The following MMS22L variants were observed in gnomAD, a reference collection of about 807,000 sequenced individuals.
The protein encoded by MMS22L is protein MMS22-like.
MMS22L carries 74 observed loss-of-function variants against 159.1 expected under a neutral mutation model. The ratio of observed to expected loss-of-function variants is 0.47; its 90% CI spans 0.39 to 0.56. The LOEUF (loss-of-function observed/expected upper bound fraction) is 0.56. Ranked by LOEUF, MMS22L falls within the 20% of genes least tolerant of loss-of-function variation. The pLI is 0.00. For missense variants in MMS22L, 1,351 were observed against 1,422.1 expected, an observed-to-expected ratio of 0.95 and a Z score of 0.80; for synonymous variants, 517 against 506.9, an observed-to-expected ratio of 1.02 and a Z score of -0.27.
rs1319881742 is a variant in MMS22L at position 97,168,090 on chromosome 6, CT to C, written c.2989del (p.Ser997ValfsTer23). 6.2e-7 allele frequency: 1 copy of C among 1,609,748 alleles called. No individual in the cohort carries two copies. Among genetic ancestry groups the C allele is most frequent in the Non-Finnish European group, 8.5e-7 (1 of 1,178,278 alleles). ...CTATACCTGGAGATACAAAGGAAGA[CT>C]TTTCTGAATTGCTGACAACATAGGT... ...PAPMLSAIQKSLPLYLQGMCI... is the reference protein window; with the variant it reads ...PAPMLSAIQKXLPLYLQGMCI... On this transcript the variant is annotated frameshift_variant, in exon 20 of 25. Transcript: ENST00000683635. LOFTEE classifies it high-confidence loss of function.
Position 97,270,450 on chromosome 6 carries a change from CAG to C in MMS22L, c.607-460_607-459del, listed in dbSNP as rs146316308. 1,070 of 303,578 alleles carry C rather than the reference CAG, an allele frequency of 3.5e-3. 9 individuals carry two copies. Among genetic ancestry groups the C allele is most frequent in the African/African-American group, 0.023 (1,013 of 45,018 alleles). The allele number at this position is 303,578 out of a possible 1,614,324, so 18.8% of individuals were successfully genotyped here. ...ACATTATTGTCATCTCATTAAGAAA[CAG>C]AAGTTAAAAGAGGTGAAAAAATTTA... On this transcript the variant is annotated intron_variant, in intron 6 of 24. Transcript: ENST00000683635.
At chr6:97,161,119 T>C (rs1486765909) in intron 22 of MMS22L, among the ~76,000 whole-genome samples, 2 of 152,058 alleles carry the variant, frequency 1.3e-5, no homozygotes, top group African/African-American at 4.8e-5. Flanking sequence ...TGTGTCTGTT[T>C]CTTTGCATGT....
chr6:97,215,573 A>G (rs1347654798), intron 14 of MMS22L, among the ~76,000 whole-genome samples: 5 of 152,118 alleles, frequency 3.3e-5, no homozygotes, highest in Admixed American at 6.6e-5. Flanking sequence ...CCCATGTGCT[A>G]GGCAATTTAG....
chr6:97,179,284 T>C (rs1804443544), intron 17 of MMS22L, 124 bp downstream of exon 17: 9 of 771,610 alleles, frequency 1.2e-5, no homozygotes, highest in Non-Finnish European at 1.7e-5. Flanking sequence ...TAAGTTCTGC[T>C]TGTATTCATA....
intron 21 of MMS22L, among the ~76,000 whole-genome samples, chr6:97,164,788 T>A (rs564712955): frequency 6.6e-6 from 1 of 152,132 alleles, no homozygotes; most frequent in East Asian, 1.9e-4. Context: ...AACTAATTTT[T>A]TTGTATTTTT....
chr6:97,282,338 T>A lies in MMS22L; in HGVS notation c.140A>T (p.Tyr47Phe). The change falls in exon 2 of 25, where the codon TAC becomes TTC. Residue 47 changes from tyrosine (Y) to phenylalanine (F), a missense_variant. Tyr to Phe is a conservative substitution (Grantham distance 22). Coordinates refer to ENST00000683635, the MANE Select transcript of MMS22L (RefSeq NM_001350599.2). ...CCGCTTAAGGGCTCCGCTGCAGAGGTAGGATTCTCCAGAAAAATGTTTTCC... is the reference window on the plus strand; with the variant it reads ...CCGCTTAAGGGCTCCGCTGCAGAGGAAGGATTCTCCAGAAAAATGTTTTCC... ...GGGKHFSGESYLCSGALKRLI... is the reference protein window; with the variant it reads ...GGGKHFSGESFLCSGALKRLI... 6.2e-7 allele frequency: 1 copy of A among 1,614,060 alleles called. No homozygotes were observed. Among genetic ancestry groups the A allele is most frequent in the Non-Finnish European group, 8.5e-7 (1 of 1,180,000 alleles).
At chr6:97,240,145 T>C (rs541490597) in intron 11 of MMS22L, among the ~76,000 whole-genome samples, 3 of 152,174 alleles carry the variant, frequency 2.0e-5, no homozygotes, top group Non-Finnish European at 2.9e-5. Context: ...ATATTATTCT[T>C]TACAACTACC....
chr6:97,264,966 ACCC>A (rs1437664535), intron 8 of MMS22L: 1 of 152,158 alleles, frequency 6.6e-6, no homozygotes, highest in African/African-American at 2.4e-5. Context: ...TGTCCATACT[ACCC>A]AAAGTGACCT....
chr6:97,153,105 G>A (rs1293225629), intron 22 of MMS22L, among the ~76,000 whole-genome samples: 1 of 151,784 alleles, frequency 6.6e-6, no homozygotes, highest in Non-Finnish European at 1.5e-5. Context: ...GCGTCCCAAA[G>A]CACTGGGATT....
intron 14 of MMS22L, among the ~76,000 whole-genome samples, chr6:97,194,122 A>G (rs1482513374): frequency 6.6e-6 from 1 of 151,390 alleles, no homozygotes; most frequent in Non-Finnish European, 1.5e-5. Flanking sequence ...CAGTGGCGCC[A>G]TCTCAGCTCA....
chr6:97,182,359 C>T (rs1486380029), intron 15 of MMS22L, among the ~76,000 whole-genome samples: 1 of 152,094 alleles, frequency 6.6e-6, no homozygotes, highest in African/African-American at 2.4e-5. Flanking sequence ...GGCTAATGTG[C>T]CTCCACCATT....
intron 14 of MMS22L, among the ~76,000 whole-genome samples, chr6:97,197,707 C>T (rs949359048): frequency 2.6e-5 from 4 of 151,898 alleles, no homozygotes; most frequent in African/African-American, 4.8e-5. Flanking sequence ...GAGCTCAGGC[C>T]GGGGGGCAGT....
chr6:97,144,750 C>A lies in MMS22L; in HGVS notation c.*2056G>T, dbSNP rs1427230071. 2 of 151,866 alleles carry A rather than the reference C, an allele frequency of 1.3e-5. No homozygotes were observed. Among genetic ancestry groups the A allele is most frequent in the Admixed American group, 6.6e-5 (1 of 15,240 alleles). The allele number at this position is 151,866 out of a possible 1,614,324, so 9.4% of individuals were successfully genotyped here. A position where few individuals can be genotyped will look rare whatever the true frequency, so the allele number is the denominator to read the frequency against. ...CAGTGAAGATTTTAAAAAAAAGGAA[C>A]TGAGCCATAAATTTTCTTCTTTTTT... On this transcript the variant is annotated 3_prime_UTR_variant, in exon 25 of 25. Coordinates refer to ENST00000683635, the MANE Select transcript of MMS22L (RefSeq NM_001350599.2).
intron 8 of MMS22L, chr6:97,266,147 T>C (rs1470179843): frequency 6.6e-6 from 1 of 152,134 alleles, no homozygotes; most frequent in African/African-American, 2.4e-5. Context: ...ATAATGGCTA[T>C]TACCAAAAAG....
At chr6:97,165,774 T>C (rs548530343) in intron 20 of MMS22L, among the ~76,000 whole-genome samples, 18 of 152,280 alleles carry the variant, frequency 1.2e-4, no homozygotes, top group Admixed American at 3.3e-4. Context: ...GCTCATCAAC[T>C]ACATTTATGT....
intron 14 of MMS22L, among the ~76,000 whole-genome samples, chr6:97,220,484 ACT>A (rs1326152118): frequency 2.6e-5 from 4 of 152,122 alleles, no homozygotes; most frequent in African/African-American, 7.2e-5. Context: ...AAGCTAGCAA[ACT>A]CTATGATATG....
intron 10 of MMS22L, among the ~76,000 whole-genome samples, chr6:97,248,974 A>G (rs1812953426): frequency 6.6e-6 from 1 of 152,002 alleles, no homozygotes; most frequent in African/African-American, 2.4e-5. Context: ...GTCATACTGG[A>G]TAATCTAACT....
intron 4 of MMS22L, among the ~76,000 whole-genome samples, chr6:97,273,745 A>T (rs1815985755): frequency 6.6e-6 from 1 of 152,138 alleles, no homozygotes. Flanking sequence ...CTAATCCTTC[A>T]GAGTCCTATT....
Position 97,150,023 on chromosome 6 carries a change from G to A in MMS22L, c.3483-3C>T. 6.2e-7 allele frequency: 1 copy of A among 1,612,210 alleles called. No individual in the cohort carries two copies. Among genetic ancestry groups the A allele is most frequent in the Non-Finnish European group, 8.5e-7 (1 of 1,179,094 alleles). Reference sequence around the variant, plus strand: ...TACCATAATCCTGGATAAACTGCCTGAAAGTAAAACAGGTTTATTTAGGAT... The same window carrying A: ...TACCATAATCCTGGATAAACTGCCTAAAAGTAAAACAGGTTTATTTAGGAT... On this transcript the variant is annotated splice_polypyrimidine_tract_variant and splice_region_variant and intron_variant, in intron 23 of 24. Transcript: ENST00000683635.
Sources: gnomAD v4.1 joint callset for allele counts (sites outside exome capture counted in the v4.1 genomes callset) on GRCh38, gnomAD v4.1.1 for gene constraint, MANE v1.5 for transcripts, NCBI Gene and HGNC (gene_info 2026-07-23, HGNC 2026-07-21) for gene names.